Variants in MIA3 observed in about 807,000 individuals in gnomAD.
The protein encoded by MIA3 is MIA SH3 domain ER export factor 3.
MIA3 carries 90 observed loss-of-function variants against 192.4 expected under a neutral mutation model. The ratio of observed to expected loss-of-function variants is 0.47; its 90% CI spans 0.39 to 0.56. The LOEUF (loss-of-function observed/expected upper bound fraction) is 0.56. MIA3 is among the 20% of genes least tolerant of loss of function. The probability of loss-of-function intolerance (pLI) is 0.00; values close to 1 mark genes in which losing one functional copy is unlikely to be tolerated. For synonymous variants in MIA3, 740 were observed against 792.8 expected (o/e 0.93, Z 1.12); for missense variants, 2,123 against 2,269.4 (o/e 0.94, Z 1.31).
At chr1:222,632,972 A>G in intron 5 of MIA3, 132 bp from the exon 6 acceptor site, 1 of 902,832 alleles carries the variant, frequency 1.1e-6, no homozygotes, top group Non-Finnish European at 1.7e-6. Flanking sequence ...TGCACAGTAA[A>G]CATCCAGTGA....
At position 222,628,053 on chromosome 1, in the gene MIA3, A is replaced by T. The variant is rs1209543654; in HGVS notation, c.833A>T (p.Lys278Ile). ...GAAATGACTCTAGACTTGAAAACCA[A>T]ATTTGGCTCAACAGCTGATGCACTT... ...KKEMTLDLKT[K>I]FGSTADALVS... The change falls in exon 4 of 28, where the codon AAA becomes ATA. Residue 278 changes from lysine (K) to isoleucine (I), a missense_variant. Physicochemically the swap from Lys to Ile is moderately radical, Grantham distance 102 (BLOSUM62 -3). Around this residue, in one of 3 missense-constraint regions of MIA3, gnomAD observed 1,357 missense variants for 1,396.1 expected, o/e 0.97. Coordinates refer to ENST00000344922, the MANE Select transcript of MIA3 (RefSeq NM_198551.4). 2 of 1,614,130 alleles carry T rather than the reference A, an allele frequency of 1.2e-6. No individual in the cohort carries two copies. Among genetic ancestry groups the T allele is most frequent in the Non-Finnish European group, 1.7e-6 (2 of 1,180,020 alleles).
intron 1 of MIA3, among the ~76,000 whole-genome samples, chr1:222,618,593 C>A (rs1301535840): frequency 6.6e-6 from 1 of 152,150 alleles, no homozygotes; most frequent in Non-Finnish European, 1.5e-5. Context: ...CCCTTCCCAC[C>A]CCCCCAATCC....
Position 222,627,733 on chromosome 1 carries a change from A to T in MIA3, c.513A>T (p.Leu171Phe). 1 of 1,613,266 alleles carries T rather than the reference A, an allele frequency of 6.2e-7. No individual in the cohort carries two copies. The highest frequency in any genetic ancestry group is 1.1e-5 in the South Asian group (1 of 90,742). ...AGGATATGGAAAAAAACCCTGAATT[A>T]TCTAAGGAAAGGGAACCTGAACCTG... ...TLQDMEKNPE[L>F]SKEREPEPEP... The change falls in exon 4 of 28, where the codon TTA (leucine) becomes TTT (phenylalanine). Residue 171 changes from leucine to phenylalanine, a missense_variant. Physicochemically the swap from Leu to Phe is conservative, Grantham distance 22 (BLOSUM62 0). Around this residue, in one of 3 missense-constraint regions of MIA3, gnomAD observed 1,357 missense variants for 1,396.1 expected, o/e 0.97. Coordinates refer to ENST00000344922, the MANE Select transcript of MIA3 (RefSeq NM_198551.4).
intron 18 of MIA3, 36 bp downstream of exon 18, chr1:222,654,829 C>A (rs750344491): frequency 2.2e-5 from 34 of 1,570,818 alleles, no homozygotes; most frequent in Non-Finnish European, 2.8e-5. Context: ...ACTGTATTGT[C>A]ATGTCAGTAA....
intron 2 of MIA3, among the ~76,000 whole-genome samples, chr1:222,623,093 G>T (rs1356433416): frequency 6.6e-6 from 1 of 152,146 alleles, no homozygotes; most frequent in Non-Finnish European, 1.5e-5. Context: ...TCCTGACGAG[G>T]CAGTGGCATT....
Position 222,659,970 on chromosome 1 carries a change from C to T in MIA3, c.4939C>T (p.Pro1647Ser), listed in dbSNP as rs892163913. The T allele has an allele frequency of 1.2e-6, 2 of 1,613,530 alleles. No homozygotes were observed. The highest frequency in any genetic ancestry group is 1.7e-6 in the Non-Finnish European group (2 of 1,179,754). ...AGAACCTGTGATTGTAAAACCAATG[C>T]CAGGAAAACCAAATACACAAAACCC... The part of the protein sequence containing the change: ...QEEPVIVKPM[P>S]GKPNTQNPPR... The change falls in exon 23 of 28, where the codon CCA (proline) becomes TCA (serine). Residue 1647 changes from proline (P) to serine (S), a missense_variant. Physicochemically the swap from Pro to Ser is moderately conservative, Grantham distance 74. Around this residue, in one of 3 missense-constraint regions of MIA3, gnomAD observed 762 missense variants for 856.4 expected, o/e 0.89. Coordinates refer to ENST00000344922, the MANE Select transcript of MIA3 (RefSeq NM_198551.4).
chr1:222,660,166 G>C lies in MIA3; in HGVS notation c.4976-11G>C. 6.2e-7 allele frequency: 1 copy of C among 1,607,866 alleles called. No homozygotes were observed. Among genetic ancestry groups the C allele is most frequent in the Non-Finnish European group, 8.5e-7 (1 of 1,178,224 alleles). ...TGTCTTAAAATGCTAACAAGATGCT[G>C]TCATCTTTAGGTCCTCTGAGCCAGA... On this transcript the variant is annotated splice_polypyrimidine_tract_variant and intron_variant, in intron 23 of 27. Coordinates refer to ENST00000344922, the MANE Select transcript of MIA3 (RefSeq NM_198551.4).
intron 26 of MIA3, among the ~76,000 whole-genome samples, chr1:222,663,337 C>T (rs1664119471): frequency 6.6e-6 from 1 of 152,086 alleles, no homozygotes; most frequent in African/African-American, 2.4e-5. Flanking sequence ...TAGGAGACTT[C>T]GAAGAGTGTA....
At chr1:222,655,962 C>CTTTTTTTTTTT (rs1283360501) in intron 18 of MIA3, among the ~76,000 whole-genome samples, 6 of 71,278 alleles carry the variant, frequency 8.4e-5, no homozygotes, top group Non-Finnish European at 1.2e-4. Flanking sequence ...ACTTTCTTTC[C>CTTTTTTTTTTT]CTTTTTTTTT....
At chr1:222,621,969 G>A (rs1450040886) in intron 2 of MIA3, among the ~76,000 whole-genome samples, 3 of 152,054 alleles carry the variant, frequency 2.0e-5, no homozygotes, top group African/African-American at 7.2e-5. Context: ...CCACCACACG[G>A]CTAATTTTTT....
intron 18 of MIA3, among the ~76,000 whole-genome samples, chr1:222,657,148 T>A (rs1558195021): frequency 6.6e-6 from 1 of 152,230 alleles, no homozygotes; most frequent in Non-Finnish European, 1.5e-5. Flanking sequence ...ATAAAAGATA[T>A]GAGATTACCT....
intron 1 of MIA3, among the ~76,000 whole-genome samples, chr1:222,620,672 A>G (rs1661814469): frequency 6.6e-6 from 1 of 152,230 alleles, no homozygotes; most frequent in South Asian, 2.1e-4. Context: ...TTTAGTGGTT[A>G]GTTCAAGTTA....
intron 19 of MIA3, 24 bp downstream of exon 19, chr1:222,658,847 T>C (rs771963614): frequency 2.0e-6 from 3 of 1,507,914 alleles, no homozygotes; most frequent in Admixed American, 3.6e-5. Context: ...CTAAAGAGGG[T>C]ATCAGTGGCT....
chr1:222,630,901 C>T (rs557921663), intron 4 of MIA3, among the ~76,000 whole-genome samples: 1 of 152,118 alleles, frequency 6.6e-6, no homozygotes, highest in Non-Finnish European at 1.5e-5. Context: ...TTCTTGCATG[C>T]AGATTAATCA....
Position 222,630,284 on chromosome 1 carries a change from C to G in MIA3, c.3064C>G (p.Gln1022Glu), listed in dbSNP as rs1367122254. The change falls in exon 4 of 28, where the codon CAA becomes GAA. Residue 1022 changes from glutamine to glutamate, a missense_variant. By Grantham distance (29) the Gln-to-Glu change is conservative. Transcript: ENST00000344922. ...FEEAAVLDDI[Q>E]DLIYFVRYKH... is the part of the protein sequence containing the mutation. ...AGAGGCTGCAGTGCTTGATGACATT[C>G]AAGACCTCATCTATTTTGTCAGGTA... 1.9e-6 allele frequency: 3 copies of G among 1,614,064 alleles called. No individual in the cohort carries two copies. In the East Asian group the frequency reaches 6.7e-5, roughly 36 times the overall value.
chr1:222,634,355 A>T (rs1166394344), intron 6 of MIA3, among the ~76,000 whole-genome samples: 1 of 152,090 alleles, frequency 6.6e-6, no homozygotes, highest in African/African-American at 2.4e-5. Context: ...TGGAGTTAGG[A>T]GGGAGAAGGT....
Position 222,629,333 on chromosome 1 carries a change from A to G in MIA3, c.2113A>G (p.Thr705Ala). The G allele has an allele frequency of 1.2e-6, 2 of 1,614,212 alleles. No individual in the cohort carries two copies. The highest frequency in any genetic ancestry group is 1.7e-6 in the Non-Finnish European group (2 of 1,180,034). Residue 705 changes from threonine to alanine, a missense_variant, in exon 4 of 28, where the codon ACA (threonine) becomes GCA (alanine). Physicochemically the swap from Thr to Ala is moderately conservative, Grantham distance 58. This residue lies in a region of MIA3 where 1,357 missense variants were observed against 1,396.1 expected (regional missense o/e 0.97). Transcript: ENST00000344922. ...AATGCAGGGCACAGAGGTAGGACAG[A>G]CAGACCAAACTGACAGCACAGGAGG... ...KAMQGTEVGQ[T>A]DQTDSTGGPA...
chr1:222,636,303 G>A (rs1384140011), intron 6 of MIA3, among the ~76,000 whole-genome samples: 1 of 152,104 alleles, frequency 6.6e-6, no homozygotes, highest in Non-Finnish European at 1.5e-5. Context: ...AGTTCACTCT[G>A]ACTAGCTGGA....
At position 222,666,178 on chromosome 1, in the gene MIA3, A is replaced by C. The variant is rs796642721; in HGVS notation, c.*559A>C. On this transcript the variant is annotated 3_prime_UTR_variant, in exon 28 of 28. Transcript: ENST00000344922. ...GTGTCTGTTGACTCATTGGACTGTT[A>C]TGAGGCTTGTGCCATTTGGGGAACA... 6.6e-6 allele frequency: 1 copy of C among 152,256 alleles called. No homozygotes were observed. The highest frequency in any genetic ancestry group is 1.5e-5 in the Non-Finnish European group (1 of 68,072). The allele number at this position is 152,256 out of a possible 1,614,324, so 9.4% of individuals were successfully genotyped here.
Sources: gnomAD v4.1 joint callset for allele counts (sites outside exome capture counted in the v4.1 genomes callset) on GRCh38, gnomAD v4.1.1 for gene constraint, gnomAD v4.1.1 regional missense constraint, MANE v1.5 for transcripts, NCBI Gene and HGNC (gene_info 2026-07-23, HGNC 2026-07-21) for gene names.